Variants in FAT4 observed in about 807,000 individuals in gnomAD.
FAT4 encodes the protein FAT atypical cadherin 4.
FAT4 carries 84 observed loss-of-function variants against 303.9 expected under a neutral mutation model. That is an observed-to-expected ratio of 0.28 (90% CI 0.23 to 0.33). The LOEUF (loss-of-function observed/expected upper bound fraction) is 0.33. Among genes scored for constraint, FAT4 ranks in the 10% least tolerant of loss-of-function variants. The pLI, the probability that FAT4 is intolerant of heterozygous loss-of-function variation, is 1.00. For missense variants in FAT4, 6,005 were observed against 6,146.8 expected (o/e 0.98, Z 0.77); for synonymous variants, 2,307 against 2,298.8 (o/e 1.00, Z -0.10).
chr4:125,450,714 TAC>T lies in FAT4; in HGVS notation c.9706_9707del (p.Gln3236ValfsTer3). The T allele has an allele frequency of 6.2e-7, 1 of 1,614,124 alleles. No homozygotes were observed. The highest frequency in any genetic ancestry group is 8.5e-7 in the Non-Finnish European group (1 of 1,180,014). ...ACAAATGCTGTGATTGCGTATACTGTACAGTCATCTGACAGTGACCTCTTTGT... is the reference window on the plus strand; with the variant it reads ...ACAAATGCTGTGATTGCGTATACTGTAGTCATCTGACAGTGACCTCTTTGT... On this transcript the variant is annotated frameshift_variant, in exon 10 of 18. Transcript: ENST00000394329. LOFTEE classifies it high-confidence loss of function.
In FAT4 at chr4:125,449,485, C is replaced by A. The variant is rs1181811154; in HGVS notation, c.8475C>A (p.Ser2825Arg). 1 of 1,613,750 alleles carries A rather than the reference C, an allele frequency of 6.2e-7. No individual in the cohort carries two copies. The highest frequency in any genetic ancestry group is 1.1e-5 in the South Asian group (1 of 91,072). Residue 2825 changes from serine to arginine, a missense_variant, in exon 10 of 18, where the codon AGC (serine) becomes AGA (arginine). Physicochemically the swap from Ser to Arg is moderately radical, Grantham distance 110. Transcript: ENST00000394329. ...GTCTTCCATTTACAATTAATCCCAG[C>A]ACAGGGGATATTGTCATAAGCAGAC... ...DASLPFTINPSTGDIVISRPL... is the reference protein window; with the variant it reads ...DASLPFTINPRTGDIVISRPL...
rs1172828644 is a variant in FAT4, at chr4:125,491,979, A to G, written c.*211A>G. The G allele has an allele frequency of 1.8e-6, 1 of 549,458 alleles. No homozygotes were observed. The highest frequency in any genetic ancestry group is 3.1e-6 in the Non-Finnish European group (1 of 323,160). The allele number at this position is 549,458 out of a possible 1,614,324, so 34.0% of individuals were successfully genotyped here. ...TGTGTGGTTGAATTTATTTCCCTGC[A>G]TGCATTGTGTTTTGTAACTAGTTAT... On this transcript the variant is annotated 3_prime_UTR_variant, in exon 18 of 18. Coordinates refer to ENST00000394329, the MANE Select transcript of FAT4 (RefSeq NM_001291303.3).
intron 2 of FAT4, among the ~76,000 whole-genome samples, chr4:125,366,493 T>C (rs2952841): frequency 0.62 from 94,834 of 151,980 alleles, 29,930 homozygotes; most frequent in African/African-American, 0.74. Flanking sequence ...ATTTTTAATC[T>C]GGTCTACCAT....
At chr4:125,337,460 T>C (rs534897303) in intron 2 of FAT4, among the ~76,000 whole-genome samples, 3 of 152,180 alleles carry the variant, frequency 2.0e-5, no homozygotes, top group South Asian at 4.1e-4. Flanking sequence ...ATCACTGATA[T>C]ACCTAAACTT....
chr4:125,365,928 T>C (rs1391372412), intron 2 of FAT4, among the ~76,000 whole-genome samples: 2 of 151,896 alleles, frequency 1.3e-5, no homozygotes, highest in Non-Finnish European at 2.9e-5. Context: ...CAGCAGGAGG[T>C]GAGCGGCAGG....
chr4:125,385,001 CATATATATAT>C (rs1277413637), intron 2 of FAT4, among the ~76,000 whole-genome samples: 5 of 120,258 alleles, frequency 4.2e-5, no homozygotes, highest in African/African-American at 1.6e-4. Context: ...TATATATATA[CATATATATAT>C]ATATATATAT....
chr4:125,365,914 C>T (rs571884745), intron 2 of FAT4, among the ~76,000 whole-genome samples: 30 of 152,254 alleles, frequency 2.0e-4, no homozygotes, highest in Admixed American at 9.8e-4. Flanking sequence ...GGAACCGGGA[C>T]GCACAGCAGG....
chr4:125,419,172 A>G (rs1186547447), intron 7 of FAT4, among the ~76,000 whole-genome samples: 1 of 152,218 alleles, frequency 6.6e-6, no homozygotes, highest in East Asian at 1.9e-4. Context: ...CAAATAGATA[A>G]AAAGGAATAC....
At chr4:125,363,784 G>A (rs887115907) in intron 2 of FAT4, among the ~76,000 whole-genome samples, 14 of 152,034 alleles carry the variant, frequency 9.2e-5, no homozygotes, top group Non-Finnish European at 1.5e-4. Flanking sequence ...GTGAGCCACC[G>A]TGCCTGGCCT....
rs771288110 is a variant in FAT4 at position 125,490,714 on chromosome 4, C to T, written c.13898C>T (p.Ser4633Leu). ...DIDNASSIAP[S>L]DADIIQHYKQ... ...GACAACGCCAGCAGCATCGCCCCTT[C>T]GGATGCAGACATCATTCAACACTAC... The change falls in exon 18 of 18, where the codon TCG becomes TTG. Residue 4633 changes from serine to leucine, a missense_variant. Ser to Leu is a moderately radical substitution (Grantham distance 145, BLOSUM62 -2). Coordinates refer to ENST00000394329, the MANE Select transcript of FAT4 (RefSeq NM_001291303.3). The T allele has an allele frequency of 1.2e-6, 2 of 1,614,116 alleles. No individual in the cohort carries two copies. Among genetic ancestry groups the T allele is most frequent in the Non-Finnish European group, 1.7e-6 (2 of 1,180,022 alleles).
At chr4:125,459,441 C>A (rs560899526) in intron 10 of FAT4, among the ~76,000 whole-genome samples, 2 of 152,006 alleles carry the variant, frequency 1.3e-5, no homozygotes, top group Non-Finnish European at 2.9e-5. Context: ...GGAAAGTCTG[C>A]GGATACCATG....
intron 2 of FAT4, among the ~76,000 whole-genome samples, chr4:125,337,190 T>C (rs1264737224): frequency 2.6e-5 from 4 of 152,096 alleles, no homozygotes; most frequent in African/African-American, 9.7e-5. Context: ...AATGCTGATC[T>C]ATATCATAAC....
chr4:125,389,342 G>A (rs948291971), intron 2 of FAT4, among the ~76,000 whole-genome samples: 2 of 151,986 alleles, frequency 1.3e-5, no homozygotes, highest in Admixed American at 6.6e-5. Flanking sequence ...ATTATATCAT[G>A]TTTCTTGTAC....
chr4:125,359,045 C>A (rs1252894425), intron 2 of FAT4, among the ~76,000 whole-genome samples: 1 of 152,054 alleles, frequency 6.6e-6, no homozygotes, highest in Non-Finnish European at 1.5e-5. Flanking sequence ...CCATATTAAA[C>A]TTATGATCAG....
chr4:125,333,556 G>A (rs1578531602), intron 2 of FAT4, among the ~76,000 whole-genome samples: 1 of 152,092 alleles, frequency 6.6e-6, no homozygotes, highest in South Asian at 2.1e-4. Context: ...TATAACCAAA[G>A]CAAGAATATC....
chr4:125,409,053 C>A (rs553258347), intron 5 of FAT4, among the ~76,000 whole-genome samples: 1 of 152,006 alleles, frequency 6.6e-6, no homozygotes, highest in South Asian at 2.1e-4. Context: ...AATGTAGGGT[C>A]GTGTTTCAAT....
At position 125,321,250 on chromosome 4, in the gene FAT4, G is replaced by A. The variant is rs180866934; in HGVS notation, c.4839G>A (p.Ser1613=). ...ATDLGPERRK[S]TTELTIILQG... is the part of the protein sequence containing the mutation. ...ACCTTGGGCCTGAAAGGAGGAAATCGACCACTGAATTGACCATCATTCTTC... is the reference window on the plus strand; with the variant it reads ...ACCTTGGGCCTGAAAGGAGGAAATCAACCACTGAATTGACCATCATTCTTC... Residue 1613 remains serine, a synonymous_variant, in exon 2 of 18, where the codon TCG becomes TCA. Coordinates refer to ENST00000394329, the MANE Select transcript of FAT4 (RefSeq NM_001291303.3). 7.5e-4 allele frequency: 1,210 copies of A among 1,614,052 alleles called. 16 individuals carry two copies. The highest frequency in any genetic ancestry group is 1.6e-4 in the Middle Eastern group (1 of 6,062).
At chr4:125,419,891 A>G (rs1384587043) in intron 7 of FAT4, among the ~76,000 whole-genome samples, 2 of 152,206 alleles carry the variant, frequency 1.3e-5, no homozygotes, top group Non-Finnish European at 2.9e-5. Flanking sequence ...CTAAACATTT[A>G]CTGAATACTG....
chr4:125,431,363 G>A (rs1725277789), intron 7 of FAT4, among the ~76,000 whole-genome samples: 2 of 152,260 alleles, frequency 1.3e-5, no homozygotes, highest in South Asian at 2.1e-4. Flanking sequence ...AGAGCTAAAT[G>A]TCTCATGTAT....
Sources: gnomAD v4.1 joint callset for allele counts (sites outside exome capture counted in the v4.1 genomes callset) on GRCh38, gnomAD v4.1.1 for gene constraint, MANE v1.5 for transcripts, NCBI Gene and HGNC (gene_info 2026-07-23, HGNC 2026-07-21) for gene names.